UPP1: variants seen among roughly 807,000 people sequenced by gnomAD.
UPP1 encodes UPase 1.
A neutral mutation model predicts 29.6 loss-of-function variants in UPP1; 25 were observed. The ratio of observed to expected loss-of-function variants is 0.85; its 90% confidence interval spans 0.62 to 1.18. The LOEUF is 1.18. Ranked by LOEUF, UPP1 falls within the 50% of genes most tolerant of loss-of-function variation. The pLI, the probability that UPP1 is intolerant of heterozygous loss-of-function variation, is 0.00. For synonymous variants in UPP1, 165 were observed against 159.8 expected, an observed-to-expected ratio of 1.03 and a Z score of -0.25; for missense variants, 368 against 410.4, an observed-to-expected ratio of 0.90 and a Z score of 0.89.
intron 4 of UPP1, 129 bp from the exon 5 acceptor site, chr7:48,101,694 TG>T: frequency 9.4e-7 from 1 of 1,062,422 alleles, no homozygotes; most frequent in Non-Finnish European, 1.3e-6. Flanking sequence ...CAGCAGGTCC[TG>T]GTGAGGCCAG....
Position 48,107,325 on chromosome 7 carries a change from A to G in UPP1, c.647-36A>G, listed in dbSNP as rs774693636. 11 of 1,585,792 alleles carry G rather than the reference A, an allele frequency of 6.9e-6. 1 individual carries two copies. In the South Asian group the frequency reaches 1.1e-4, roughly 16 times the overall value. ...CTGATGTGTTGTAGGAGCTTCTCAC[A>G]TGCATGTGGTTCTCATGTCTCCATG... On this transcript the variant is annotated intron_variant, in intron 7 of 8. Transcript: ENST00000395564.
chr7:48,100,310 A>G (rs968116412), intron 4 of UPP1, among the ~76,000 whole-genome samples: 1 of 152,228 alleles, frequency 6.6e-6, no homozygotes, highest in African/African-American at 2.4e-5. Context: ...GCTGTTGTGT[A>G]TATGTGATTC....
intron 6 of UPP1, 81 bp downstream of exon 6, chr7:48,103,492 C>G (rs563959305): frequency 8.2e-7 from 1 of 1,225,064 alleles, no homozygotes; most frequent in East Asian, 2.3e-5. Context: ...CATGGTGTGG[C>G]ATTAGAGACA....
At chr7:48,089,114 C>A (rs959078049), upstream of UPP1, 1 of 39,368 alleles carries the variant, frequency 2.5e-5, no homozygotes, top group Admixed American at 3.0e-4. Context: ...AAGGTGGGGG[C>A]GGGCGGGGCT....
At chr7:48,094,919 A>G (rs952730472) in intron 3 of UPP1, 92 bp downstream of exon 3, 7 of 1,404,542 alleles carry the variant, frequency 5.0e-6, no homozygotes, top group East Asian at 4.8e-5. Flanking sequence ...AGGACTTGAC[A>G]TATATTAACA....
At chr7:48,107,595 G>C (rs1422134898) in intron 8 of UPP1, 88 bp downstream of exon 8, 1 of 1,464,668 alleles carries the variant, frequency 6.8e-7, no homozygotes, top group Non-Finnish European at 9.1e-7. Context: ...TCCTCCTGGG[G>C]CACCCCGATA....
At chr7:48,102,754 A>G (rs1202881991) in intron 5 of UPP1, among the ~76,000 whole-genome samples, 2 of 152,086 alleles carry the variant, frequency 1.3e-5, no homozygotes, top group Non-Finnish European at 2.9e-5. Context: ...TTGTGACACT[A>G]GGGGGGGTGC....
rs146719490 is a variant in UPP1, at chr7:48,106,653, T to C, written c.437-220T>C. 187 of 529,218 alleles carry C rather than the reference T, an allele frequency of 3.5e-4. 1 individual carries two copies. The East Asian group carries it at 6.0e-3, about 17-fold the overall frequency. The allele number at this position is 529,218 out of a possible 1,614,324, so 32.8% of individuals were successfully genotyped here. On this transcript the variant is annotated intron_variant, in intron 6 of 8. Coordinates refer to ENST00000395564, the MANE Select transcript of UPP1 (RefSeq NM_003364.4). ...GTGCCTTTCTCTTCCATAGTGTCCA[T>C]AATGATCATGCATTAATTACTTTCA...
chr7:48,106,491 A>G, intron 6 of UPP1: 1 of 206,040 alleles, frequency 4.9e-6, no homozygotes, highest in Admixed American at 5.2e-5. Context: ...TTGTATTTTT[A>G]GTAGAGATGG....
chr7:48,088,979 T>G (rs1386221885), upstream of UPP1: 2 of 152,254 alleles, frequency 1.3e-5, no homozygotes, highest in African/African-American at 2.4e-5. Context: ...AACTGGCTGC[T>G]GGTTCTTTAC....
intron 5 of UPP1, among the ~76,000 whole-genome samples, 168 bp from the exon 6 acceptor site, chr7:48,103,129 T>C (rs111743131): frequency 2.0e-5 from 3 of 152,336 alleles, no homozygotes; most frequent in African/African-American, 4.8e-5. Context: ...GCATACACTT[T>C]AAAGTTTCCC....
At position 48,101,863 on chromosome 7, in the gene UPP1, TTCA is replaced by T; in HGVS notation, c.206_208del (p.Ile69del). 6.2e-7 allele frequency: 1 copy of T among 1,614,004 alleles called. No individual in the cohort carries two copies. Among genetic ancestry groups the T allele is most frequent in the Non-Finnish European group, 8.5e-7 (1 of 1,179,972 alleles). On this transcript the variant is annotated inframe_deletion, in exon 5 of 9. Transcript: ENST00000395564. ...TGGAAGCCCCTCCCGGATGAAAGCC[TTCA>T]TCAGGTGCGTTGGTGCAGAGCTGGG...
intron 6 of UPP1, chr7:48,106,244 A>G (rs1289948067): frequency 6.4e-6 from 1 of 155,320 alleles, no homozygotes; most frequent in Non-Finnish European, 1.4e-5. Context: ...ACAGTGGGAA[A>G]TCGCCGTGAA....
At chr7:48,090,799 C>G (rs1208199246) in intron 2 of UPP1, among the ~76,000 whole-genome samples, 1 of 152,186 alleles carries the variant, frequency 6.6e-6, no homozygotes, top group Non-Finnish European at 1.5e-5. Context: ...AGAGGCTACC[C>G]TGACCTTCTA....
intron 8 of UPP1, 121 bp downstream of exon 8, chr7:48,107,628 G>A (rs563645221): frequency 1.8e-5 from 22 of 1,212,760 alleles, no homozygotes; most frequent in South Asian, 1.2e-4. Flanking sequence ...TTCTGTTTCC[G>A]CTGCCCCCAA....
At chr7:48,108,177 C>A (rs990111666) in intron 8 of UPP1, 41 bp from the exon 9 acceptor site, 15 of 1,590,236 alleles carry the variant, frequency 9.4e-6, no homozygotes, top group Admixed American at 1.7e-5. Flanking sequence ...AAATGTTAGA[C>A]CCCCGGCACC....
intron 1 of UPP1, 25 bp downstream of exon 1, chr7:48,089,443 C>T (rs1251696728): frequency 1.3e-5 from 2 of 152,468 alleles, no homozygotes; most frequent in East Asian, 3.9e-4. Flanking sequence ...GCCCGGCTCC[C>T]GCCGTTCTCT....
rs1439438551 is a variant in UPP1, at chr7:48,103,365, G to A, written c.390G>A (p.Arg130=). The A allele has an allele frequency of 6.2e-7, 1 of 1,613,890 alleles. No individual in the cohort carries two copies. Among genetic ancestry groups the A allele is most frequent in the Non-Finnish European group, 8.5e-7 (1 of 1,179,932 alleles). The change falls in exon 6 of 9, where the codon CGG becomes CGA. Residue 130 remains arginine (R), a synonymous_variant. Transcript: ENST00000395564. ...HELIKLLYYA[R]CSNVTIIRIG... is the part of the protein sequence containing the mutation. ...TCATAAAGCTGCTGTACTATGCCCG[G>A]TGCTCCAACGTCACTATCATCCGCA...
intron 8 of UPP1, 134 bp from the exon 9 acceptor site, chr7:48,108,084 C>T (rs1305606126): frequency 2.1e-5 from 28 of 1,360,970 alleles, no homozygotes; most frequent in Non-Finnish European, 2.6e-5. Flanking sequence ...CCGGCCCCGC[C>T]TGACTGCATG....
Sources: gnomAD v4.1 joint callset for allele counts (sites outside exome capture counted in the v4.1 genomes callset) on GRCh38, gnomAD v4.1.1 for gene constraint, MANE v1.5 for transcripts, NCBI Gene and HGNC (gene_info 2026-07-23, HGNC 2026-07-21) for gene names.